The following RALYL variants were observed in gnomAD, a reference collection of about 807,000 sequenced individuals.
The protein encoded by RALYL is RALY RNA binding protein like.
In RALYL, 29 loss-of-function variants were observed where a neutral mutation model predicts 35.1. The observed-to-expected ratio is 0.83, with a 90% CI of 0.61 to 1.13. RALYL has a LOEUF of 1.13. RALYL is among the 50% of genes most tolerant of loss of function. The probability of loss-of-function intolerance (pLI) is 0.00; values close to 1 mark genes in which losing one functional copy is unlikely to be tolerated. For synonymous variants in RALYL, 120 were observed against 127.6 expected (o/e 0.94, Z 0.40); for missense variants, 359 against 360.4 (o/e 1.00, Z 0.03).
intron 5 of RALYL, among the ~76,000 whole-genome samples, chr8:84,860,770 C>T (rs1183649149): frequency 6.6e-6 from 1 of 152,150 alleles, no homozygotes; most frequent in Non-Finnish European, 1.5e-5. Context: ...TTCCAGATAT[C>T]TCTTAGTTTT....
intron 1 of RALYL, among the ~76,000 whole-genome samples, chr8:84,188,338 A>G (rs915176102): frequency 3.9e-5 from 6 of 152,064 alleles, no homozygotes; most frequent in African/African-American, 1.4e-4. Context: ...GATTAATTTT[A>G]TTCTTCAAAT....
intron 1 of RALYL, among the ~76,000 whole-genome samples, chr8:84,411,405 T>C (rs184258889): frequency 6.6e-6 from 1 of 152,046 alleles, no homozygotes; most frequent in East Asian, 1.9e-4. Flanking sequence ...AATTTAACAG[T>C]TCTGAGTGTC....
intron 1 of RALYL, among the ~76,000 whole-genome samples, chr8:84,457,347 A>C (rs1429674006): frequency 1.3e-5 from 2 of 151,964 alleles, no homozygotes; most frequent in Admixed American, 1.3e-4. Flanking sequence ...AAAATTTTTA[A>C]ATACTTTTTG....
intron 2 of RALYL, among the ~76,000 whole-genome samples, chr8:84,726,913 A>G (rs562349506): frequency 6.6e-6 from 1 of 152,102 alleles, no homozygotes; most frequent in Non-Finnish European, 1.5e-5. Flanking sequence ...GTAGTTAACA[A>G]AATGCCTTTG....
At chr8:84,815,685 G>GAT (rs1184995517) in intron 4 of RALYL, among the ~76,000 whole-genome samples, 2 of 151,908 alleles carry the variant, frequency 1.3e-5, no homozygotes, top group East Asian at 1.9e-4. Context: ...TGCTGCATCA[G>GAT]ATATACTCTG....
At position 84,477,555 on chromosome 8, in the gene RALYL, T is replaced by C. The variant is rs1420076221; in HGVS notation, c.-23-51744T>C. ...ATAAAAATGATACATGTATATTAAA[T>C]AAAAATACGATATATATTTTTGCTT... is the stretch of plus-strand genomic sequence containing the variant. On this transcript the variant is annotated intron_variant, in intron 1 of 8. Coordinates refer to ENST00000521268, the MANE Select transcript of RALYL (RefSeq NM_173848.7). 2.0e-5 allele frequency among the ~76,000 whole-genome samples: 3 copies of C among 149,978 alleles called. No homozygotes were observed. In the East Asian group the frequency reaches 5.9e-4, roughly 29 times the overall value.
At chr8:84,907,310 TCACACACACAC>T (rs60297949) in intron 8 of RALYL, among the ~76,000 whole-genome samples, 3,852 of 148,140 alleles carry the variant, frequency 0.026, 187 homozygotes, top group African/African-American at 0.091. Flanking sequence ...AGATATAGCG[TCACACACACAC>T]ACACACACAC....
At chr8:84,552,354 ATATATTTTTTTTT>A (rs1315479626) in intron 2 of RALYL, among the ~76,000 whole-genome samples, 1 of 60,166 alleles carries the variant, frequency 1.7e-5, no homozygotes, top group African/African-American at 7.1e-5. Flanking sequence ...ATATATATAT[ATATATTTTTTTTT>A]TTTTTTTTTT....
At chr8:84,641,234 A>C (rs919221248) in intron 2 of RALYL, among the ~76,000 whole-genome samples, 4 of 151,596 alleles carry the variant, frequency 2.6e-5, no homozygotes, top group Non-Finnish European at 5.9e-5. Flanking sequence ...AAGTAACTTT[A>C]AAATAACCTC....
intron 2 of RALYL, among the ~76,000 whole-genome samples, chr8:84,577,804 A>G (rs947692016): frequency 6.6e-6 from 1 of 152,242 alleles, no homozygotes; most frequent in Non-Finnish European, 1.5e-5. Context: ...AAAAGTTTTG[A>G]TTCATCATAT....
chr8:84,498,832 G>A (rs2056361751), intron 1 of RALYL, among the ~76,000 whole-genome samples: 1 of 151,612 alleles, frequency 6.6e-6, no homozygotes, highest in East Asian at 1.9e-4. Flanking sequence ...AATTTCCTGA[G>A]GAGTTAGAAA....
intron 1 of RALYL, among the ~76,000 whole-genome samples, chr8:84,220,306 T>C (rs1465554787): frequency 2.0e-5 from 3 of 152,104 alleles, no homozygotes; most frequent in Non-Finnish European, 2.9e-5. Context: ...TATGTAAGCA[T>C]ATATTTTTGA....
chr8:84,185,026 C>G (rs371888578), intron 1 of RALYL: 80 of 1,613,798 alleles, frequency 5.0e-5, no homozygotes, highest in Non-Finnish European at 6.7e-5. Flanking sequence ...TAGGTCCTAC[C>G]CAGCCTATTT....
intron 1 of RALYL, among the ~76,000 whole-genome samples, chr8:84,463,029 G>T (rs566965265): frequency 1.3e-5 from 2 of 151,774 alleles, no homozygotes; most frequent in Admixed American, 1.3e-4. Context: ...CTATATCCTG[G>T]TTCATCCTTT....
intron 2 of RALYL, among the ~76,000 whole-genome samples, chr8:84,632,282 C>T (rs1156976055): frequency 1.3e-5 from 2 of 151,782 alleles, no homozygotes; most frequent in African/African-American, 4.8e-5. Context: ...TATAAGCTAC[C>T]CAGTTGAGAG....
chr8:84,821,661 C>A lies in RALYL; in HGVS notation c.365+16859C>A, dbSNP rs369758508. On this transcript the variant is annotated intron_variant, in intron 4 of 8. Transcript: ENST00000521268. ...TATCAATCTCAAAATGTGACCTTTT[C>A]AATGCTTTTAATGACATTTTCAAAG... 7.0e-4 allele frequency among the ~76,000 whole-genome samples: 107 copies of A among 152,254 alleles called. 2 individuals are homozygous for A. The highest frequency in any genetic ancestry group is 2.4e-3 in the African/African-American group (100 of 41,564).
At chr8:84,307,368 T>C (rs1297247640) in intron 1 of RALYL, among the ~76,000 whole-genome samples, 4 of 152,138 alleles carry the variant, frequency 2.6e-5, no homozygotes, top group Non-Finnish European at 5.9e-5. Flanking sequence ...ATGAATATCA[T>C]GAATCAGGGC....
intron 8 of RALYL, among the ~76,000 whole-genome samples, chr8:84,906,733 T>G (rs1846564147): frequency 6.6e-6 from 1 of 152,060 alleles, no homozygotes; most frequent in South Asian, 2.1e-4. Flanking sequence ...ACAAAGATTT[T>G]ATCCAGATAG....
At chr8:84,400,385 A>G (rs188539708) in intron 1 of RALYL, among the ~76,000 whole-genome samples, 15 of 152,240 alleles carry the variant, frequency 9.9e-5, no homozygotes, top group Non-Finnish European at 1.9e-4. Flanking sequence ...ATTTTGGAGC[A>G]TTTGGAGTGC....
Sources: allele counts gnomAD v4.1 joint callset (sites outside exome capture counted in the v4.1 genomes callset), GRCh38; gene constraint gnomAD v4.1.1; transcripts MANE v1.5; gene names NCBI Gene and HGNC (gene_info 2026-07-23, HGNC 2026-07-21).